The following SYN3 variants were observed in gnomAD, a reference collection of about 807,000 sequenced individuals.
SYN3 encodes the protein synapsin-3.
A neutral mutation model predicts 65.8 loss-of-function variants in SYN3; 35 were observed. The observed-to-expected ratio is 0.53, with a 90% confidence interval of 0.41 to 0.70. The LOEUF (loss-of-function observed/expected upper bound fraction) is 0.70, where lower values mean the gene tolerates loss of function less well. Ranked by LOEUF, SYN3 falls within the 30% of genes least tolerant of loss-of-function variation. The probability of loss-of-function intolerance (pLI) is 0.00; values close to 1 mark genes in which losing one functional copy is unlikely to be tolerated. For synonymous variants in SYN3, 270 were observed against 292.9 expected (o/e 0.92, Z 0.80); for missense variants, 680 against 749.0 (o/e 0.91, Z 1.08).
chr22:32,730,685 C>T (rs780144774), intron 6 of SYN3, among the ~76,000 whole-genome samples: 1 of 152,186 alleles, frequency 6.6e-6, no homozygotes, highest in Non-Finnish European at 1.5e-5. Flanking sequence ...GGCACAGAAA[C>T]TGTGAGGTAA....
chr22:32,879,490 A>G (rs1330303143), intron 4 of SYN3, among the ~76,000 whole-genome samples: 1 of 152,158 alleles, frequency 6.6e-6, no homozygotes, highest in Non-Finnish European at 1.5e-5. Context: ...TGGTTTGTAG[A>G]TGGCACATTC....
chr22:32,996,740 G>C (rs924091425), intron 2 of SYN3, among the ~76,000 whole-genome samples: 4 of 152,218 alleles, frequency 2.6e-5, no homozygotes, highest in African/African-American at 9.6e-5. Context: ...GACAATTTCT[G>C]TAGAAGGTCC....
intron 1 of SYN3, among the ~76,000 whole-genome samples, chr22:33,035,922 G>A (rs1465786388): frequency 6.6e-6 from 1 of 152,018 alleles, no homozygotes; most frequent in Admixed American, 6.6e-5. Flanking sequence ...AGCTAATAAC[G>A]TTGACTATAA....
chr22:32,756,180 T>C (rs1484665226), intron 6 of SYN3, among the ~76,000 whole-genome samples: 1 of 151,722 alleles, frequency 6.6e-6, no homozygotes, highest in African/African-American at 2.4e-5. Flanking sequence ...GTAACAAACC[T>C]GCACATTCTG....
At chr22:32,931,836 G>C (rs954715224) in intron 3 of SYN3, among the ~76,000 whole-genome samples, 2 of 152,040 alleles carry the variant, frequency 1.3e-5, no homozygotes, top group Admixed American at 1.3e-4. Flanking sequence ...TGTTTGATGG[G>C]ACATTTTCTC....
At chr22:32,679,839 C>CTTTTTTTTGTTTTTTT (rs2060497748) in intron 6 of SYN3, among the ~76,000 whole-genome samples, 1 of 39,148 alleles carries the variant, frequency 2.6e-5, no homozygotes, top group Admixed American at 4.3e-4. Context: ...TGTTTTTTGG[C>CTTTTTTTTGTTTTTTT]TTTTTTTTTT....
chr22:32,728,507 C>T (rs550174499), intron 6 of SYN3, among the ~76,000 whole-genome samples: 1 of 152,346 alleles, frequency 6.6e-6, no homozygotes, highest in East Asian at 1.9e-4. Context: ...CATCTCGGCT[C>T]AAACATCAGT....
At chr22:32,971,044 G>A (rs1454894308) in intron 3 of SYN3, among the ~76,000 whole-genome samples, 1 of 152,180 alleles carries the variant, frequency 6.6e-6, no homozygotes, top group Non-Finnish European at 1.5e-5. Flanking sequence ...ATACTGTGTG[G>A]ATTGAATGAG....
chr22:32,779,556 C>T (rs913682437), intron 6 of SYN3, among the ~76,000 whole-genome samples: 4 of 152,204 alleles, frequency 2.6e-5, no homozygotes, highest in African/African-American at 9.7e-5. Flanking sequence ...CAGATTGTCT[C>T]ATTTAATCTT....
At chr22:32,797,154 T>C (rs2046448214) in intron 6 of SYN3, among the ~76,000 whole-genome samples, 1 of 152,166 alleles carries the variant, frequency 6.6e-6, no homozygotes, top group Admixed American at 6.5e-5. Context: ...GGGTGTTCTC[T>C]GGCTTATAGC....
At chr22:32,610,377 T>C (rs28835002) in intron 6 of SYN3, among the ~76,000 whole-genome samples, 57,747 of 151,800 alleles carry the variant, frequency 0.38, 11,877 homozygotes, top group African/African-American at 0.54. Flanking sequence ...AGAACGTTTT[T>C]ATCACTCAAA....
At chr22:32,629,089 T>C (rs1244074890) in intron 6 of SYN3, among the ~76,000 whole-genome samples, 1 of 152,166 alleles carries the variant, frequency 6.6e-6, no homozygotes, top group Admixed American at 6.5e-5. Context: ...GCTCCTCCCC[T>C]TCTGCTCTGA....
intron 10 of SYN3, among the ~76,000 whole-genome samples, chr22:32,533,551 G>C (rs1020699027): frequency 3.3e-5 from 5 of 152,066 alleles, no homozygotes; most frequent in African/African-American, 1.2e-4. Context: ...TGTGGGTTGG[G>C]GATGTTGTTC....
intron 3 of SYN3, among the ~76,000 whole-genome samples, chr22:32,979,751 T>C (rs566934851): frequency 1.3e-4 from 20 of 152,292 alleles, no homozygotes; most frequent in African/African-American, 4.6e-4. Flanking sequence ...CGTTTGATCC[T>C]CACAGCACCC....
intron 1 of SYN3, chr22:33,014,599 G>A (rs1291789459): frequency 6.6e-6 from 1 of 152,284 alleles, no homozygotes; most frequent in African/African-American, 2.4e-5. Context: ...TGACCAACAT[G>A]GAGAAACCCC....
At position 32,512,232 on chromosome 22, in the gene SYN3, T is replaced by C. The variant is rs1188425051; in HGVS notation, c.*1460A>G. Among the ~76,000 whole-genome samples the C allele has an allele frequency of 6.6e-6, 1 of 152,256 alleles. No individual in the cohort carries two copies. The highest frequency in any genetic ancestry group is 1.5e-5 in the Non-Finnish European group (1 of 68,044). On this transcript the variant is annotated 3_prime_UTR_variant, in exon 14 of 14. Coordinates refer to ENST00000358763, the MANE Select transcript of SYN3 (RefSeq NM_003490.4). ...ACATTGCTTGGGCATAACTAGAAGC[T>C]GCTCCAGGCCAAAGCCACTTCCATT...
chr22:32,706,112 T>G (rs1482708889), intron 6 of SYN3, among the ~76,000 whole-genome samples: 1 of 152,176 alleles, frequency 6.6e-6, no homozygotes, highest in East Asian at 1.9e-4. Context: ...ATTGGAGTGG[T>G]GAGAGAGGAC....
chr22:32,723,507 G>C (rs1312771789), intron 6 of SYN3, among the ~76,000 whole-genome samples: 1 of 152,012 alleles, frequency 6.6e-6, no homozygotes, highest in African/African-American at 2.4e-5. Flanking sequence ...TAAGGGAATG[G>C]AGGCAGCCTC....
At chr22:32,668,924 T>G (rs908287957) in intron 6 of SYN3, among the ~76,000 whole-genome samples, 31 of 152,256 alleles carry the variant, frequency 2.0e-4, no homozygotes, top group African/African-American at 7.5e-4. Flanking sequence ...TTTCACAAAC[T>G]CACCCTTGCA....
Sources: gnomAD v4.1 joint callset for allele counts (sites outside exome capture counted in the v4.1 genomes callset) on GRCh38, gnomAD v4.1.1 for gene constraint, MANE v1.5 for transcripts, NCBI Gene and HGNC (gene_info 2026-07-23, HGNC 2026-07-21) for gene names.